The following COBLL1 variants were observed in gnomAD, a reference collection of about 807,000 sequenced individuals.
COBLL1 encodes cordon-bleu WH2 repeat protein like 1, also known as cordon-bleu protein-like 1.
Under a neutral mutation model 94.8 loss-of-function variants are expected in COBLL1, and 50 were observed. That is an observed-to-expected ratio of 0.53 (90% CI 0.42 to 0.67). The LOEUF (loss-of-function observed/expected upper bound fraction) is 0.67, where lower values mean the gene tolerates loss of function less well. Among genes scored for constraint, COBLL1 ranks in the 30% least tolerant of loss-of-function variants. COBLL1 has a pLI of 0.00. For synonymous variants in COBLL1, 448 were observed against 473.8 expected, an observed-to-expected ratio of 0.95 and a Z score of 0.71; for missense variants, 1,362 against 1,348.7, an observed-to-expected ratio of 1.01 and a Z score of -0.15.
rs77851951 is a variant in COBLL1 at position 164,771,920 on chromosome 2, G to C, written c.42-28045C>G. 5.5e-3 allele frequency: 833 copies of C among 151,548 alleles called. 10 individuals carry two copies. The highest frequency in any genetic ancestry group is 0.019 in the African/African-American group (784 of 41,510). 9.4% of individuals were successfully genotyped at this position (151,548 alleles called of 1,614,324 possible). A position where few individuals can be genotyped will look rare whatever the true frequency, so the allele number is the denominator to read the frequency against. On this transcript the variant is annotated intron_variant, in intron 2 of 13. Transcript: ENST00000652658. The stretch of plus-strand genomic sequence containing the variant: ...TCAATATTGAATGTATAATGAGTCT[G>C]TGTTAAACAATTCTATTACTCACCT...
At chr2:164,819,148 C>G (rs1685034250) in intron 2 of COBLL1, among the ~76,000 whole-genome samples, 1 of 151,766 alleles carries the variant, frequency 6.6e-6, no homozygotes, top group Non-Finnish European at 1.5e-5. Flanking sequence ...CATTTCCTTC[C>G]AAGAAAAGGG....
At chr2:164,826,568 G>C (rs1685436140) in intron 2 of COBLL1, among the ~76,000 whole-genome samples, 1 of 152,176 alleles carries the variant, frequency 6.6e-6, no homozygotes, top group South Asian at 2.1e-4. Context: ...TTCCACAATA[G>C]AAGAAACTGT....
At position 164,805,323 on chromosome 2, in the gene COBLL1, CTCTCTCTCTCTCTCTATATATATA is replaced by C. The variant is rs1449551731; in HGVS notation, c.41+35809_41+35832del. ...TCTCTCTCTCTCTCTCTCTCTCTCT[CTCTCTCTCTCTCTCTATATATATA>C]TATATATATATATATAAAACTAAAG... On this transcript the variant is annotated intron_variant, in intron 2 of 13. Transcript: ENST00000652658. 1.5e-4 allele frequency among the ~76,000 whole-genome samples: 5 copies of C among 33,680 alleles called. 1 individual carries two copies. Among genetic ancestry groups the C allele is most frequent in the African/African-American group, 5.8e-4 (5 of 8,614 alleles). 22.1% of individuals were successfully genotyped at this position (33,680 alleles called of 152,430 possible).
chr2:164,698,983 G>T lies in COBLL1; in HGVS notation c.1555+422C>A, dbSNP rs1483547265. Among the ~76,000 whole-genome samples the T allele has an allele frequency of 4.6e-5, 7 of 151,874 alleles. No homozygotes were observed. The South Asian group carries it at 1.2e-3, about 27-fold the overall frequency. ...GATGATTTGGGCCTTGAAAAATCAG[G>T]CAGAAAAGTTTCATCCAAGGAAGTT... On this transcript the variant is annotated intron_variant, in intron 11 of 13. Transcript: ENST00000652658.
chr2:164,802,283 G>A (rs1016416953), intron 2 of COBLL1, among the ~76,000 whole-genome samples: 3 of 152,152 alleles, frequency 2.0e-5, no homozygotes, highest in African/African-American at 7.2e-5. Flanking sequence ...CTGGCACATG[G>A]TAAGCATCGA....
At chr2:164,825,783 C>A (rs1321346780) in intron 2 of COBLL1, among the ~76,000 whole-genome samples, 1 of 152,116 alleles carries the variant, frequency 6.6e-6, no homozygotes, top group African/African-American at 2.4e-5. Flanking sequence ...ATCCCCTGTA[C>A]TAAGTGATGT....
intron 2 of COBLL1, among the ~76,000 whole-genome samples, chr2:164,764,113 G>T (rs1687825284): frequency 6.6e-6 from 1 of 152,146 alleles, no homozygotes; most frequent in African/African-American, 2.4e-5. Context: ...TATCAGAGTG[G>T]TCTTGAACTG....
rs1574407724 is a variant in COBLL1, at chr2:164,687,372, C to G, written c.3301-1340G>C. ...GCCATATGAGCCACTTCTCAGCCACCATGTCTTCAAATTCATCGACATTGA... is the reference window on the plus strand; with the variant it reads ...GCCATATGAGCCACTTCTCAGCCACGATGTCTTCAAATTCATCGACATTGA... On this transcript the variant is annotated intron_variant, in intron 13 of 13. Transcript: ENST00000652658. 6 of 759,338 alleles carry G rather than the reference C, an allele frequency of 7.9e-6. No homozygotes were observed. The East Asian group carries it at 1.2e-4, about 16-fold the overall frequency. The allele number at this position is 759,338 out of a possible 1,614,324, so 47.0% of individuals were successfully genotyped here.
At chr2:164,841,911 C>T (rs901274694), upstream of COBLL1, 1 of 1,449,776 alleles carries the variant, frequency 6.9e-7, no homozygotes, top group Admixed American at 2.0e-5. The surrounding 1 kb of genome is among the most constrained non-coding windows in gnomAD (Gnocchi z 5.5). Flanking sequence ...GGTGCGGGCG[C>T]TGGCTGGGCG....
chr2:164,830,918 T>G (rs1189713904), intron 2 of COBLL1, among the ~76,000 whole-genome samples: 1 of 152,204 alleles, frequency 6.6e-6, no homozygotes, highest in East Asian at 1.9e-4. Context: ...CTCACTTTCC[T>G]AAAGGGAGGA....
intron 2 of COBLL1, among the ~76,000 whole-genome samples, chr2:164,776,613 G>A (rs560961317): frequency 1.0e-4 from 15 of 150,514 alleles, no homozygotes; most frequent in African/African-American, 3.7e-4. Flanking sequence ...CCCGCCCACC[G>A]CCAACCTGGT....
At chr2:164,831,369 A>G (rs910669934) in intron 2 of COBLL1, among the ~76,000 whole-genome samples, 5 of 151,340 alleles carry the variant, frequency 3.3e-5, no homozygotes, top group African/African-American at 4.8e-5. Context: ...TTAAAATTTT[A>G]TTAAATTTTA....
At chr2:164,708,373 C>T (rs1418019126) in intron 7 of COBLL1, among the ~76,000 whole-genome samples, 1 of 152,078 alleles carries the variant, frequency 6.6e-6, no homozygotes, top group Admixed American at 6.6e-5. Context: ...GGGGTGGATT[C>T]TCAATGGATG....
At chr2:164,688,064 A>AAT (rs1047020473) in intron 13 of COBLL1, among the ~76,000 whole-genome samples, 2 of 48,508 alleles carry the variant, frequency 4.1e-5, no homozygotes, top group African/African-American at 3.2e-4. Context: ...ATAGTATATG[A>AAT]ATATATATAT....
chr2:164,742,731 CAT>C lies in COBLL1; in HGVS notation c.230+954_230+955del, dbSNP rs541845154. 2.2e-3 allele frequency among the ~76,000 whole-genome samples: 341 copies of C among 152,204 alleles called. 3 individuals are homozygous for C. Among genetic ancestry groups the C allele is most frequent in the African/African-American group, 7.8e-3 (325 of 41,512 alleles). ...ACTTTAAATAATCTGTAAAGTTACA[CAT>C]GATTTTAATGATAAATCTTAAAATT... On this transcript the variant is annotated intron_variant, in intron 3 of 13. Transcript: ENST00000652658.
intron 2 of COBLL1, among the ~76,000 whole-genome samples, chr2:164,835,488 G>C (rs774109324): frequency 1.3e-5 from 2 of 152,198 alleles, no homozygotes; most frequent in African/African-American, 4.8e-5. Context: ...TCAGGGGCTG[G>C]AGAAAGTGGA....
chr2:164,720,806 A>C (rs1685404077), intron 7 of COBLL1, among the ~76,000 whole-genome samples: 1 of 152,108 alleles, frequency 6.6e-6, no homozygotes, highest in Admixed American at 6.6e-5. Flanking sequence ...GAACTCAAGA[A>C]TCATCTCTCC....
At chr2:164,779,008 C>A (rs1400417925) in intron 2 of COBLL1, among the ~76,000 whole-genome samples, 1 of 152,106 alleles carries the variant, frequency 6.6e-6, no homozygotes, top group Non-Finnish European at 1.5e-5. Flanking sequence ...CAAGACTTCA[C>A]AGGAAATGAG....
intron 2 of COBLL1, among the ~76,000 whole-genome samples, chr2:164,753,399 T>C (rs991321644): frequency 5.9e-5 from 9 of 151,944 alleles, no homozygotes; most frequent in African/African-American, 1.7e-4. Flanking sequence ...GTCCCATCAA[T>C]TACATCCCAT....
Sources: gnomAD v4.1 joint callset for allele counts (sites outside exome capture counted in the v4.1 genomes callset) on GRCh38, gnomAD v4.1.1 for gene constraint, Gnocchi (gnomAD v3.1) non-coding constraint, MANE v1.5 for transcripts, NCBI Gene and HGNC (gene_info 2026-07-23, HGNC 2026-07-21) for gene names.